The following RSPH14 variants were observed in gnomAD, a reference collection of about 807,000 sequenced individuals.
RSPH14 encodes the protein radial spoke head 14 homolog.
Under a neutral mutation model 26.7 loss-of-function variants are expected in RSPH14, and 20 were observed. The ratio of observed to expected loss-of-function variants is 0.75; its 90% CI spans 0.53 to 1.09. The LOEUF (loss-of-function observed/expected upper bound fraction) is 1.09, where lower values mean the gene tolerates loss of function less well. RSPH14 is among the 50% of genes least tolerant of loss of function. The probability of loss-of-function intolerance (pLI) is 0.00; values close to 1 mark genes in which losing one functional copy is unlikely to be tolerated. For synonymous variants in RSPH14, 177 were observed against 189.3 expected (o/e 0.93, Z 0.53); for missense variants, 449 against 457.2 (o/e 0.98, Z 0.16).
the RSPH14 span, among the ~76,000 whole-genome samples, chr22:23,171,966 C>CT: frequency 6.6e-6 from 1 of 151,934 alleles, no homozygotes; most frequent in Non-Finnish European, 1.5e-5. Context: ...CCTCAAGCAC[C>CT]TGGTTACCAG....
At chr22:23,169,735 A>T in the RSPH14 span, among the ~76,000 whole-genome samples, 1 of 151,838 alleles carries the variant, frequency 6.6e-6, no homozygotes, top group South Asian at 2.1e-4. Context: ...GTTGGATAGG[A>T]CCCCTGAAGA....
intron 4 of RSPH14, chr22:23,131,530 T>C (rs2070359756): frequency 3.1e-6 from 3 of 970,934 alleles, no homozygotes; most frequent in Non-Finnish European, 4.2e-6. Context: ...GCTGGTGGTA[T>C]CCAATGTTCC....
intron 4 of RSPH14, among the ~76,000 whole-genome samples, chr22:23,102,266 T>C (rs576096393): frequency 1.4e-4 from 22 of 152,322 alleles, no homozygotes; most frequent in African/African-American, 5.0e-4. Flanking sequence ...GCTTTATGCG[T>C]GACCCCATGG....
the RSPH14 span, among the ~76,000 whole-genome samples, chr22:23,174,999 AAT>A: frequency 1.4e-5 from 2 of 145,096 alleles, no homozygotes; most frequent in Non-Finnish European, 3.1e-5. Flanking sequence ...GTAAAAAAAA[AAT>A]TTTTTTTTTT....
chr22:23,091,236 T>A (rs2068963509), intron 4 of RSPH14, among the ~76,000 whole-genome samples: 1 of 152,112 alleles, frequency 6.6e-6, no homozygotes, highest in African/African-American at 2.4e-5. Flanking sequence ...ATGCACACAC[T>A]GGCATACAAG....
intron 5 of RSPH14, among the ~76,000 whole-genome samples, chr22:23,062,933 G>A (rs1459993715): frequency 6.6e-6 from 1 of 152,226 alleles, no homozygotes; most frequent in African/African-American, 2.4e-5. Flanking sequence ...CTCCCCCGCT[G>A]CAAACCCTGG....
At chr22:23,059,782 C>T in intron 6 of RSPH14, 64 bp from the exon 7 acceptor site, 1 of 1,469,904 alleles carries the variant, frequency 6.8e-7, no homozygotes, top group Non-Finnish European at 9.0e-7. Context: ...CCCCCTCTCA[C>T]CCTAGCCCTC....
chr22:23,066,733 G>A (rs371269937), intron 4 of RSPH14, among the ~76,000 whole-genome samples: 15 of 152,032 alleles, frequency 9.9e-5, no homozygotes, highest in Admixed American at 5.2e-4. Context: ...CCAACTGGGC[G>A]GCAGCCTGAG....
At chr22:23,156,274 G>A in the RSPH14 span, 1 of 447,064 alleles carries the variant, frequency 2.2e-6, no homozygotes, top group Non-Finnish European at 4.1e-6. Context: ...TTAAGTCTCA[G>A]CCCCAGTTTC....
intron 4 of RSPH14, among the ~76,000 whole-genome samples, chr22:23,116,202 T>TGAGG (rs1480706383): frequency 6.6e-6 from 1 of 152,126 alleles, no homozygotes; most frequent in Admixed American, 6.5e-5. Context: ...GGCTGCCAGG[T>TGAGG]GAGGGGCTGA....
the RSPH14 span, among the ~76,000 whole-genome samples, chr22:23,169,714 G>C: frequency 1.6e-3 from 241 of 152,214 alleles, 1 homozygote; most frequent in African/African-American, 5.7e-3. Context: ...CTGGCCCCCT[G>C]GTGAGGGCTG....
rs933625305 is a variant in RSPH14, at chr22:23,088,908, T to C, written c.422-24775A>G. 1.7e-4 allele frequency among the ~76,000 whole-genome samples: 26 copies of C among 152,372 alleles called. 1 individual carries two copies. Among genetic ancestry groups the C allele is most frequent in the Admixed American group, 1.5e-3 (23 of 15,310 alleles). On this transcript the variant is annotated intron_variant, in intron 4 of 6. Transcript: ENST00000216036. ...AAGGTGGCCATCTGAGTGGCTTCTATTGGGCCTCAGGCATGACTGCCTGTG... is the reference window on the plus strand; with the variant it reads ...AAGGTGGCCATCTGAGTGGCTTCTACTGGGCCTCAGGCATGACTGCCTGTG...
At chr22:23,100,901 C>T (rs966293762) in intron 4 of RSPH14, among the ~76,000 whole-genome samples, 2 of 152,204 alleles carry the variant, frequency 1.3e-5, no homozygotes, top group Non-Finnish European at 2.9e-5. Flanking sequence ...GTGAACACAG[C>T]GTGTTCCTGC....
At chr22:23,170,211 A>T in the RSPH14 span, among the ~76,000 whole-genome samples, 1 of 152,234 alleles carries the variant, frequency 6.6e-6, no homozygotes, top group Non-Finnish European at 1.5e-5. Context: ...TATATCCTCC[A>T]AAGAACTGAA....
intron 4 of RSPH14, among the ~76,000 whole-genome samples, chr22:23,099,491 G>A (rs1003050325): frequency 6.6e-6 from 1 of 152,246 alleles, no homozygotes; most frequent in Non-Finnish European, 1.5e-5. Context: ...AACACAAGGG[G>A]GTTTTTCTGG....
upstream of RSPH14, among the ~76,000 whole-genome samples, chr22:23,144,092 C>CAAA (rs35499128): frequency 1.4e-3 from 35 of 24,178 alleles, 4 homozygotes; most frequent in South Asian, 6.9e-3. Context: ...GACTCCATCT[C>CAAA]AAAAAAAAAA....
At chr22:23,178,961 C>G in the RSPH14 span, among the ~76,000 whole-genome samples, 2 of 152,222 alleles carry the variant, frequency 1.3e-5, no homozygotes, top group South Asian at 4.1e-4. Flanking sequence ...TTAAAATACC[C>G]AAACCAGCCT....
the RSPH14 span, chr22:23,158,149 G>C: frequency 6.5e-7 from 1 of 1,547,618 alleles, no homozygotes; most frequent in Non-Finnish European, 8.7e-7. Flanking sequence ...GTGGGTGTGA[G>C]TGACCAGGGC....
the RSPH14 span, among the ~76,000 whole-genome samples, chr22:23,172,790 A>G: frequency 6.6e-6 from 1 of 151,346 alleles, no homozygotes; most frequent in Non-Finnish European, 1.5e-5. Flanking sequence ...CTCTACTAAA[A>G]ATACAAAAAA....
Sources: gnomAD v4.1 joint callset for allele counts (sites outside exome capture counted in the v4.1 genomes callset) on GRCh38, gnomAD v4.1.1 for gene constraint, MANE v1.5 for transcripts, NCBI Gene and HGNC (gene_info 2026-07-23, HGNC 2026-07-21) for gene names.